MACROD2: variants seen among roughly 807,000 people sequenced by gnomAD.
MACROD2 encodes mono-ADP ribosylhydrolase 2.
In MACROD2, 36 loss-of-function variants were observed where a neutral mutation model predicts 70.4. That is an observed-to-expected ratio of 0.51 (90% CI 0.39 to 0.68). The LOEUF (loss-of-function observed/expected upper bound fraction) is 0.68. MACROD2 is among the 30% of genes least tolerant of loss of function. MACROD2 has a pLI of 0.00. For synonymous variants in MACROD2, 172 were observed against 178.8 expected (o/e 0.96, Z 0.30); for missense variants, 496 against 538.4 (o/e 0.92, Z 0.78).
At chr20:15,385,010 G>A (rs201549458) in intron 6 of MACROD2, among the ~76,000 whole-genome samples, 36 of 152,120 alleles carry the variant, frequency 2.4e-4, no homozygotes, top group Admixed American at 3.9e-4. Context: ...CAAGTACAGA[G>A]GAGACAAATA....
At chr20:14,859,231 T>A (rs943304861) in intron 5 of MACROD2, among the ~76,000 whole-genome samples, 5 of 151,920 alleles carry the variant, frequency 3.3e-5, no homozygotes, top group African/African-American at 1.2e-4. Context: ...ACTATTGAAA[T>A]TAAATAAATA....
At chr20:14,628,680 G>T (rs1280712557) in intron 4 of MACROD2, 1 of 152,186 alleles carries the variant, frequency 6.6e-6, no homozygotes, top group Non-Finnish European at 1.5e-5. Flanking sequence ...TGGATAGGGA[G>T]ATCTGGTTTA....
intron 6 of MACROD2, among the ~76,000 whole-genome samples, chr20:15,401,109 C>T (rs942548720): frequency 6.6e-6 from 1 of 151,836 alleles, no homozygotes; most frequent in African/African-American, 2.4e-5. Context: ...GCCATCTCAG[C>T]TCACTGCAAG....
At chr20:14,889,237 G>A (rs2073720179) in intron 5 of MACROD2, among the ~76,000 whole-genome samples, 1 of 152,120 alleles carries the variant, frequency 6.6e-6, no homozygotes, top group Admixed American at 6.5e-5. Flanking sequence ...ACTGGCCAAA[G>A]GTTGTTGTAG....
At chr20:15,399,778 G>A (rs2045905686) in intron 6 of MACROD2, among the ~76,000 whole-genome samples, 1 of 152,170 alleles carries the variant, frequency 6.6e-6, no homozygotes, top group African/African-American at 2.4e-5. Flanking sequence ...CTGAGAAATG[G>A]ATATTTAATG....
chr20:15,233,979 T>TATACA (rs1568657341), intron 6 of MACROD2, among the ~76,000 whole-genome samples: 1 of 49,012 alleles, frequency 2.0e-5, no homozygotes, highest in Non-Finnish European at 3.8e-5. Flanking sequence ...TTATATATAT[T>TATACA]TATTTATATA....
intron 5 of MACROD2, among the ~76,000 whole-genome samples, chr20:14,715,644 C>T (rs2071388795): frequency 6.6e-6 from 1 of 152,144 alleles, no homozygotes; most frequent in Non-Finnish European, 1.5e-5. Context: ...CTCATTCAAA[C>T]TGTCCCATCT....
chr20:14,190,728 T>TTTTTTTTTTTTTTC (rs765628902), intron 3 of MACROD2, among the ~76,000 whole-genome samples: 1 of 71,660 alleles, frequency 1.4e-5, no homozygotes, highest in African/African-American at 6.5e-5. Flanking sequence ...TTTTTTTTTT[T>TTTTTTTTTTTTTTC]CCAGAGTCTT....
At chr20:15,048,721 C>T (rs1459902679) in intron 5 of MACROD2, among the ~76,000 whole-genome samples, 3 of 151,982 alleles carry the variant, frequency 2.0e-5, no homozygotes, top group Non-Finnish European at 4.4e-5. Flanking sequence ...TCATTTTAAA[C>T]ATAATTTATG....
In MACROD2 at chr20:14,759,131, C is replaced by A. The variant is rs1027192300; in HGVS notation, c.418+74172C>A. ...ATTACTGTATAGATTGCTTTTCTGG[C>A]TCATTGTAATTTTCAAGTCATTAGC... On this transcript the variant is annotated intron_variant, in intron 5 of 17. Coordinates refer to ENST00000684519, the MANE Select transcript of MACROD2 (RefSeq NM_001351661.2). 3.9e-5 allele frequency among the ~76,000 whole-genome samples: 6 copies of A among 151,900 alleles called. 1 individual carries two copies. In the East Asian group the frequency reaches 7.7e-4, roughly 20 times the overall value.
intron 8 of MACROD2, among the ~76,000 whole-genome samples, chr20:15,636,251 G>A (rs937796262): frequency 6.6e-6 from 1 of 152,026 alleles, no homozygotes; most frequent in African/African-American, 2.4e-5. Context: ...GTATCCTCAA[G>A]TGCTTGAGGT....
intron 4 of MACROD2, among the ~76,000 whole-genome samples, chr20:14,497,514 T>G (rs1465459950): frequency 6.6e-6 from 1 of 151,820 alleles, no homozygotes; most frequent in Non-Finnish European, 1.5e-5. Flanking sequence ...GGAACAAAAT[T>G]TACGGTCTCT....
intron 5 of MACROD2, among the ~76,000 whole-genome samples, chr20:15,118,817 C>T (rs139302790): frequency 2.6e-5 from 4 of 152,190 alleles, no homozygotes; most frequent in Non-Finnish European, 4.4e-5. Flanking sequence ...TGTGTTTACA[C>T]CAGCTTTTAT....
chr20:14,830,032 C>G (rs2072946627), intron 5 of MACROD2, among the ~76,000 whole-genome samples: 1 of 152,074 alleles, frequency 6.6e-6, no homozygotes, highest in Non-Finnish European at 1.5e-5. Flanking sequence ...AGAGCTGTGG[C>G]TATTTGGTTT....
chr20:14,890,787 A>AG (rs1448873261), intron 5 of MACROD2, among the ~76,000 whole-genome samples: 1 of 151,362 alleles, frequency 6.6e-6, no homozygotes, highest in Admixed American at 6.6e-5. Context: ...AATTAAAAAA[A>AG]AAAGAAAGAA....
At chr20:15,338,043 G>C (rs1261892085) in intron 6 of MACROD2, among the ~76,000 whole-genome samples, 3 of 151,550 alleles carry the variant, frequency 2.0e-5, no homozygotes, top group Non-Finnish European at 4.4e-5. Flanking sequence ...TAGGTAAATG[G>C]TGGCCTTCAT....
At chr20:14,224,478 C>A (rs2081713701) in intron 3 of MACROD2, among the ~76,000 whole-genome samples, 1 of 152,196 alleles carries the variant, frequency 6.6e-6, no homozygotes, top group South Asian at 2.1e-4. Flanking sequence ...TTGATCCCAG[C>A]CTACTTCAGT....
chr20:14,087,639 A>T (rs531655184), intron 3 of MACROD2, among the ~76,000 whole-genome samples: 10 of 152,206 alleles, frequency 6.6e-5, no homozygotes, highest in Non-Finnish European at 1.3e-4. Flanking sequence ...GGTCTCTCTT[A>T]TATGTAGTAT....
chr20:15,896,724 AATGT>A (rs2064979181), intron 10 of MACROD2, among the ~76,000 whole-genome samples: 1 of 152,116 alleles, frequency 6.6e-6, no homozygotes, highest in East Asian at 1.9e-4. Context: ...ACAACTTCTA[AATGT>A]ATTTATTTGC....
Sources: allele counts gnomAD v4.1 joint callset (sites outside exome capture counted in the v4.1 genomes callset), GRCh38; gene constraint gnomAD v4.1.1; transcripts MANE v1.5; gene names NCBI Gene and HGNC (gene_info 2026-07-23, HGNC 2026-07-21).